Variants in CYB5R4 observed in about 807,000 individuals in gnomAD.
The protein encoded by CYB5R4 is N-terminal cytochrome b5 and cytochrome b5 oxidoreductase domain-containing protein.
A neutral mutation model predicts 70.2 loss-of-function variants in CYB5R4; 55 were observed. The ratio of observed to expected loss-of-function variants is 0.78; its 90% CI spans 0.63 to 0.98. CYB5R4 has a LOEUF of 0.98. Among genes scored for constraint, CYB5R4 ranks in the 50% least tolerant of loss-of-function variants. The probability of loss-of-function intolerance (pLI) is 0.00; values close to 1 mark genes in which losing one functional copy is unlikely to be tolerated. For missense variants in CYB5R4, 562 were observed against 612.6 expected, an observed-to-expected ratio of 0.92 and a Z score of 0.87; for synonymous variants, 197 against 199.5, an observed-to-expected ratio of 0.99 and a Z score of 0.11.
intron 2 of CYB5R4, among the ~76,000 whole-genome samples, chr6:83,878,938 G>A (rs1341602922): frequency 3.3e-5 from 5 of 152,054 alleles, no homozygotes; most frequent in Non-Finnish European, 5.9e-5. Flanking sequence ...ACTCTTAGCT[G>A]ACACCTTACC....
At chr6:83,938,279 G>A (rs968395447) in intron 12 of CYB5R4, among the ~76,000 whole-genome samples, 3 of 152,294 alleles carry the variant, frequency 2.0e-5, no homozygotes, top group South Asian at 4.1e-4. Context: ...GCCTATTTAC[G>A]GAGATTTTTG....
At chr6:83,921,005 C>A in intron 7 of CYB5R4, 77 bp from the exon 8 acceptor site, 1 of 1,088,542 alleles carries the variant, frequency 9.2e-7, no homozygotes, top group South Asian at 2.1e-5. Context: ...TACCGCAGAT[C>A]ACCTTAAAAG....
intron 2 of CYB5R4, among the ~76,000 whole-genome samples, chr6:83,891,051 G>A (rs753095205): frequency 2.6e-5 from 4 of 151,932 alleles, no homozygotes; most frequent in East Asian, 1.9e-4. Context: ...CAAGCGATCC[G>A]CCCACCTCAG....
intron 14 of CYB5R4, among the ~76,000 whole-genome samples, chr6:83,942,016 G>A (rs958019528): frequency 1.2e-4 from 18 of 152,108 alleles, no homozygotes; most frequent in African/African-American, 4.1e-4. Flanking sequence ...TGTGAGCTTT[G>A]GAGAAGATAA....
intron 4 of CYB5R4, among the ~76,000 whole-genome samples, chr6:83,911,088 G>T (rs886174488): frequency 6.6e-6 from 1 of 152,106 alleles, no homozygotes; most frequent in Non-Finnish European, 1.5e-5. Flanking sequence ...TGAGAAATAA[G>T]TATGACTTTT....
At chr6:83,923,224 C>T (rs150816948) in intron 9 of CYB5R4, among the ~76,000 whole-genome samples, 382 of 152,084 alleles carry the variant, frequency 2.5e-3, no homozygotes, top group African/African-American at 7.6e-3. Context: ...AAACATGCAG[C>T]GTAGGTTTTA....
At chr6:83,884,682 T>C (rs893231667) in intron 2 of CYB5R4, among the ~76,000 whole-genome samples, 5 of 152,184 alleles carry the variant, frequency 3.3e-5, no homozygotes, top group Non-Finnish European at 1.5e-5. Flanking sequence ...ACAATCGACC[T>C]GTGCATTTCA....
intron 12 of CYB5R4, 39 bp from the exon 13 acceptor site, chr6:83,940,017 T>G (rs1012342372): frequency 2.3e-5 from 33 of 1,418,542 alleles, no homozygotes; most frequent in Non-Finnish European, 2.5e-5. Flanking sequence ...TGTTTTTTGT[T>G]TTTTTTTTTT....
intron 14 of CYB5R4, 152 bp from the exon 15 acceptor site, chr6:83,955,146 C>A: frequency 3.4e-6 from 2 of 583,618 alleles, no homozygotes; most frequent in Non-Finnish European, 5.6e-6. Context: ...TTTGTTAAAT[C>A]TTACAATTTT....
At chr6:83,882,474 A>G (rs1358931316) in intron 2 of CYB5R4, among the ~76,000 whole-genome samples, 1 of 152,196 alleles carries the variant, frequency 6.6e-6, no homozygotes, top group African/African-American at 2.4e-5. Flanking sequence ...AGTCGAGTTA[A>G]TTGCCTACTA....
chr6:83,897,047 C>G (rs1020156501), intron 3 of CYB5R4, among the ~76,000 whole-genome samples: 19 of 151,908 alleles, frequency 1.3e-4, no homozygotes, highest in Non-Finnish European at 2.8e-4. Context: ...TCTCCTAATG[C>G]TATCCCTCCC....
chr6:83,915,875 C>G (rs904952552), intron 5 of CYB5R4, among the ~76,000 whole-genome samples: 1 of 152,160 alleles, frequency 6.6e-6, no homozygotes, highest in South Asian at 2.1e-4. Context: ...TCCTATTCCA[C>G]TAGAGACCCG....
At chr6:83,863,404 A>G in intron 1 of CYB5R4, among the ~76,000 whole-genome samples, 1 of 152,222 alleles carries the variant, frequency 6.6e-6, no homozygotes, top group Non-Finnish European at 1.5e-5. Context: ...AAACTTTGTT[A>G]CTCAATGGAT....
chr6:83,914,500 G>A (rs758611537), intron 5 of CYB5R4, 52 bp downstream of exon 5: 1 of 1,384,928 alleles, frequency 7.2e-7, no homozygotes, highest in East Asian at 2.6e-5. Flanking sequence ...CTTATGAATA[G>A]TATTGATACA....
rs906158213 is a variant in CYB5R4, at chr6:83,859,776, T to C, written c.-7T>C. On this transcript the variant is annotated 5_prime_UTR_variant, in exon 1 of 16. Transcript: ENST00000369681. The stretch of plus-strand genomic sequence containing the variant: ...CCCCGGGCAGGGCCCGGGGCCGGGG[T>C]TTGAAGATGCTGAACGTCCCTTCCC... 18 of 1,610,186 alleles carry C rather than the reference T, an allele frequency of 1.1e-5. No homozygotes were observed. The highest frequency in any genetic ancestry group is 1.5e-5 in the Non-Finnish European group (18 of 1,179,114).
intron 2 of CYB5R4, among the ~76,000 whole-genome samples, chr6:83,885,943 T>C (rs1047118090): frequency 1.3e-5 from 2 of 152,222 alleles, no homozygotes; most frequent in African/African-American, 4.8e-5. Flanking sequence ...ACATGAATGT[T>C]AATAGCAACA....
intron 9 of CYB5R4, among the ~76,000 whole-genome samples, chr6:83,924,069 C>CAA (rs34702511): frequency 0.18 from 9,680 of 52,572 alleles, 1,518 homozygotes; most frequent in African/African-American, 0.39. Context: ...GACTCCGTCT[C>CAA]AAAAAAAAAA....
At chr6:83,938,301 G>A (rs530155670) in intron 12 of CYB5R4, among the ~76,000 whole-genome samples, 10 of 152,180 alleles carry the variant, frequency 6.6e-5, no homozygotes, top group Non-Finnish European at 1.5e-4. Context: ...GAACATAGCA[G>A]GGTGGAGAGT....
chr6:83,861,134 G>T (rs1041559725), intron 1 of CYB5R4, among the ~76,000 whole-genome samples: 1 of 152,160 alleles, frequency 6.6e-6, no homozygotes. Context: ...ATGAGTTACT[G>T]CCCTTCTTCG....
Sources: allele counts gnomAD v4.1 joint callset (sites outside exome capture counted in the v4.1 genomes callset), GRCh38; gene constraint gnomAD v4.1.1; transcripts MANE v1.5; gene names NCBI Gene and HGNC (gene_info 2026-07-23, HGNC 2026-07-21).